Variants in ADGRB3 observed in about 807,000 individuals in gnomAD.
ADGRB3 encodes the protein adhesion G protein-coupled receptor B3.
A neutral mutation model predicts 193.4 loss-of-function variants in ADGRB3; 37 were observed. The ratio of observed to expected loss-of-function variants is 0.19; its 90% CI spans 0.15 to 0.25. The LOEUF (loss-of-function observed/expected upper bound fraction) is 0.25, where lower values mean the gene tolerates loss of function less well. Ranked by LOEUF, ADGRB3 falls within the 10% of genes least tolerant of loss-of-function variation. ADGRB3 has a pLI of 1.00. For missense variants in ADGRB3, 1,637 were observed against 1,852.9 expected, an observed-to-expected ratio of 0.88 and a Z score of 2.14; for synonymous variants, 690 against 644.2, an observed-to-expected ratio of 1.07 and a Z score of -1.08.
At chr6:69,388,415 T>A (rs1770119224) in intron 31 of ADGRB3, among the ~76,000 whole-genome samples, 1 of 152,120 alleles carries the variant, frequency 6.6e-6, no homozygotes. Context: ...TACTGACAAT[T>A]CACAACATGC....
chr6:69,289,249 C>T (rs570194793), intron 20 of ADGRB3, among the ~76,000 whole-genome samples: 10 of 152,300 alleles, frequency 6.6e-5, no homozygotes, highest in African/African-American at 2.2e-4. Flanking sequence ...TCACACATCA[C>T]ATCTCTAAGA....
chr6:68,704,071 G>T (rs180906639), intron 3 of ADGRB3, among the ~76,000 whole-genome samples: 149 of 152,172 alleles, frequency 9.8e-4, no homozygotes, highest in African/African-American at 3.5e-3. Context: ...TGACCTATTT[G>T]ATTATACAGC....
chr6:69,196,870 A>T (rs921531240), intron 17 of ADGRB3, among the ~76,000 whole-genome samples: 4 of 152,116 alleles, frequency 2.6e-5, no homozygotes, highest in African/African-American at 9.7e-5. Context: ...TGAAGGCAGT[A>T]TGATGTAGCA....
chr6:69,186,416 T>C (rs1765069501), intron 17 of ADGRB3, among the ~76,000 whole-genome samples: 1 of 152,102 alleles, frequency 6.6e-6, no homozygotes, highest in East Asian at 1.9e-4. Flanking sequence ...ATGGAACATA[T>C]GCTTATTTCT....
chr6:68,764,429 C>A (rs1363829494), intron 3 of ADGRB3, among the ~76,000 whole-genome samples: 1 of 152,150 alleles, frequency 6.6e-6, no homozygotes, highest in Non-Finnish European at 1.5e-5. Flanking sequence ...GCATCAAAAT[C>A]CACTCAGCAA....
chr6:69,331,155 A>G (rs1044958003), intron 23 of ADGRB3, among the ~76,000 whole-genome samples: 14 of 152,270 alleles, frequency 9.2e-5, no homozygotes, highest in East Asian at 1.9e-4. Context: ...ACATTTTCCA[A>G]TGGTCCCGGG....
intron 18 of ADGRB3, 46 bp from the exon 19 acceptor site, chr6:69,234,986 T>A (rs1437664516): frequency 4.8e-6 from 7 of 1,468,230 alleles, no homozygotes; most frequent in Non-Finnish European, 6.7e-6. Context: ...TTATTTTAAT[T>A]TATTAAAAAC....
chr6:68,870,297 G>A (rs1251347522), intron 3 of ADGRB3, among the ~76,000 whole-genome samples: 1 of 152,168 alleles, frequency 6.6e-6, no homozygotes, highest in Non-Finnish European at 1.5e-5. Context: ...TCACCAACTG[G>A]TGGCTCAGGA....
intron 20 of ADGRB3, among the ~76,000 whole-genome samples, chr6:69,259,289 G>C (rs533324250): frequency 1.3e-5 from 2 of 152,166 alleles, no homozygotes; most frequent in Non-Finnish European, 2.9e-5. Flanking sequence ...GAGCTTAAAA[G>C]TCTTCAATAA....
At chr6:69,205,954 T>C (rs1440908455) in intron 17 of ADGRB3, among the ~76,000 whole-genome samples, 1 of 145,390 alleles carries the variant, frequency 6.9e-6, no homozygotes, top group Non-Finnish European at 1.5e-5. Context: ...CCAAGCTAAT[T>C]TTTTTTTTTT....
chr6:68,753,774 C>T (rs1766247128), intron 3 of ADGRB3, among the ~76,000 whole-genome samples: 1 of 152,056 alleles, frequency 6.6e-6, no homozygotes, highest in African/African-American at 2.4e-5. Flanking sequence ...ATAAAGCAGC[C>T]TGGTGCTGGT....
intron 20 of ADGRB3, among the ~76,000 whole-genome samples, chr6:69,243,666 T>C (rs1019570029): frequency 1.3e-5 from 2 of 152,018 alleles, no homozygotes; most frequent in Non-Finnish European, 2.9e-5. Flanking sequence ...CAGACACTAG[T>C]TCACCAATAA....
chr6:69,358,067 T>G (rs1476367011), intron 28 of ADGRB3, among the ~76,000 whole-genome samples: 4 of 151,970 alleles, frequency 2.6e-5, no homozygotes, highest in Non-Finnish European at 5.9e-5. Context: ...TCAGTGTTGT[T>G]TTTTTCAGCC....
intron 17 of ADGRB3, among the ~76,000 whole-genome samples, chr6:69,083,843 C>T (rs930768305): frequency 4.0e-5 from 6 of 148,210 alleles, no homozygotes; most frequent in Non-Finnish European, 8.9e-5. Flanking sequence ...GGCACGATCT[C>T]GGCTCACTGC....
chr6:68,740,285 G>A (rs995398845), intron 3 of ADGRB3, among the ~76,000 whole-genome samples: 6 of 152,166 alleles, frequency 3.9e-5, no homozygotes, highest in East Asian at 3.9e-4. Context: ...AAGTCTGGGC[G>A]TGGTGGCATA....
rs191855487 is a variant in ADGRB3, at chr6:69,072,591, C to T, written c.2437-3404C>T. 1.3e-3 allele frequency among the ~76,000 whole-genome samples: 191 copies of T among 151,984 alleles called. 1 individual carries two copies. The highest frequency in any genetic ancestry group is 4.4e-3 in the African/African-American group (184 of 41,452). The stretch of plus-strand genomic sequence containing the variant: ...ATTGTGAAATATTAAGCCTATAGTC[C>T]GTATCTTATATTAGTTTATATAAAG... On this transcript the variant is annotated intron_variant, in intron 16 of 31. Transcript: ENST00000370598.
chr6:68,959,994 A>C (rs1275503617), intron 8 of ADGRB3, among the ~76,000 whole-genome samples: 1 of 151,908 alleles, frequency 6.6e-6, no homozygotes, highest in African/African-American at 2.4e-5. Flanking sequence ...TTTTAGTTTG[A>C]TTTTCACCCC....
chr6:68,896,220 A>C (rs574896089), intron 3 of ADGRB3, among the ~76,000 whole-genome samples: 3 of 152,180 alleles, frequency 2.0e-5, no homozygotes, highest in Non-Finnish European at 4.4e-5. Context: ...GTTTTGAAAA[A>C]TATATGTAAG....
chr6:69,078,816 A>G (rs1173081479), intron 17 of ADGRB3, among the ~76,000 whole-genome samples: 1 of 152,028 alleles, frequency 6.6e-6, no homozygotes, highest in Non-Finnish European at 1.5e-5. Context: ...TCCTCACTAG[A>G]AAATAAGCAC....
Sources: allele counts gnomAD v4.1 joint callset (sites outside exome capture counted in the v4.1 genomes callset), GRCh38; gene constraint gnomAD v4.1.1; transcripts MANE v1.5; gene names NCBI Gene and HGNC (gene_info 2026-07-23, HGNC 2026-07-21).